The following CENPE variants were observed in gnomAD, a reference collection of about 807,000 sequenced individuals.
CENPE encodes the protein centromere-associated protein E.
Under a neutral mutation model 336.1 loss-of-function variants are expected in CENPE, and 145 were observed. The ratio of observed to expected loss-of-function variants is 0.43; its 90% CI spans 0.38 to 0.50. The LOEUF is 0.50. Among genes scored for constraint, CENPE ranks in the 20% least tolerant of loss-of-function variants. The pLI is 0.00. For missense variants in CENPE, 2,719 were observed against 3,023.3 expected (o/e 0.90, Z 2.36); for synonymous variants, 1,013 against 984.8 (o/e 1.03, Z -0.54).
At position 103,190,664 on chromosome 4, in the gene CENPE, A is replaced by T. The variant is rs560887746; in HGVS notation, c.693+3565T>A. 2.3e-4 allele frequency among the ~76,000 whole-genome samples: 35 copies of T among 152,348 alleles called. 1 individual carries two copies. The highest frequency in any genetic ancestry group is 3.4e-3 in the Middle Eastern group (1 of 294). ...AATTCAAGATGGATTAAAGACTTAA[A>T]TGTGAGACCTAAAACCATAAAAACC... On this transcript the variant is annotated intron_variant, in intron 8 of 48. Coordinates refer to ENST00000265148, the MANE Select transcript of CENPE (RefSeq NM_001813.3).
intron 46 of CENPE, among the ~76,000 whole-genome samples, chr4:103,114,176 T>A (rs1749865849): frequency 6.6e-6 from 1 of 152,192 alleles, no homozygotes; most frequent in Non-Finnish European, 1.5e-5. Flanking sequence ...GTCATTCCTT[T>A]ATTGCCTGAA....
intron 42 of CENPE, among the ~76,000 whole-genome samples, chr4:103,128,007 G>C (rs1751274013): frequency 6.6e-6 from 1 of 152,022 alleles, no homozygotes; most frequent in South Asian, 2.1e-4. Context: ...AATAAGAGCT[G>C]ACTGTATGTT....
At chr4:103,141,555 T>C (rs946086275) in intron 35 of CENPE, among the ~76,000 whole-genome samples, 195 bp downstream of exon 35, 4 of 152,176 alleles carry the variant, frequency 2.6e-5, no homozygotes, top group African/African-American at 7.2e-5. Context: ...TGTCTTTTTA[T>C]AGAAGTATGT....
At position 103,140,820 on chromosome 4, in the gene CENPE, T is replaced by A. The variant is rs1447156691; in HGVS notation, c.5748A>T (p.Lys1916Asn). Reference protein sequence around the residue: ...DQLKESLQETKARDLEIQQEL... With the variant: ...DQLKESLQETNARDLEIQQEL... Reference sequence around the variant, plus strand: ...AAGAGAGAACACAACTCACTCTAGCTTTGGTTTCTTGCAGGCTTTCCTTGA... The same window carrying A: ...AAGAGAGAACACAACTCACTCTAGCATTGGTTTCTTGCAGGCTTTCCTTGA... Residue 1916 changes from lysine (K) to asparagine (N), a missense_variant, in exon 36 of 49, where the codon AAA (lysine) becomes AAT (asparagine). By Grantham distance (94) the Lys-to-Asn change is moderately conservative. Around this residue, in one of 5 missense-constraint regions of CENPE, gnomAD observed 2,437 missense variants for 2,513.3 expected, o/e 0.97. Transcript: ENST00000265148. 6.3e-7 allele frequency: 1 copy of A among 1,583,336 alleles called. No homozygotes were observed. The highest frequency in any genetic ancestry group is 8.5e-7 in the Non-Finnish European group (1 of 1,170,196).
chr4:103,122,144 A>G (rs1750687680), intron 43 of CENPE, among the ~76,000 whole-genome samples: 1 of 151,768 alleles, frequency 6.6e-6, no homozygotes, highest in Non-Finnish European at 1.5e-5. Context: ...CAGCTGACTG[A>G]GGTCTGTAAT....
chr4:103,144,290 A>G (rs376974646), intron 33 of CENPE, 41 bp downstream of exon 33: 1 of 1,514,844 alleles, frequency 6.6e-7, no homozygotes, highest in Non-Finnish European at 8.9e-7. Context: ...CTTAGGACTC[A>G]ATGTCATAGT....
At position 103,140,947 on chromosome 4, in the gene CENPE, G is replaced by C. The variant is rs1169185843; in HGVS notation, c.5621C>G (p.Ala1874Gly). The C allele has an allele frequency of 6.2e-7, 1 of 1,612,454 alleles. No homozygotes were observed. Among genetic ancestry groups the C allele is most frequent in the Admixed American group, 1.7e-5 (1 of 59,960 alleles). The change falls in exon 36 of 49, where the codon GCT (alanine) becomes GGT (glycine). Residue 1874 changes from alanine (A) to glycine (G), a missense_variant. Ala to Gly is a moderately conservative substitution (Grantham distance 60, BLOSUM62 0). Transcript: ENST00000265148. ...TTCAAGGTTTTCATGAAGTTTCTGAGCCAAATTTAAATTCTCTATTTCTAA... is the reference window on the plus strand; with the variant it reads ...TTCAAGGTTTTCATGAAGTTTCTGACCCAAATTTAAATTCTCTATTTCTAA... ...SKLEIENLNL[A>G]QKLHENLEEM...
At chr4:103,158,973 C>T in intron 22 of CENPE, 37 bp downstream of exon 22, 1 of 1,533,010 alleles carries the variant, frequency 6.5e-7, no homozygotes. Flanking sequence ...CCCCAGAAGA[C>T]TAAGGAGCAT....
intron 46 of CENPE, among the ~76,000 whole-genome samples, chr4:103,111,524 T>C (rs1479409157): frequency 6.6e-6 from 1 of 152,210 alleles, no homozygotes; most frequent in African/African-American, 2.4e-5. Flanking sequence ...GAGACTGTGT[T>C]TTGTAAATTG....
At chr4:103,125,980 A>C (rs1474779425) in intron 42 of CENPE, among the ~76,000 whole-genome samples, 1 of 152,092 alleles carries the variant, frequency 6.6e-6, no homozygotes, top group Non-Finnish European at 1.5e-5. Flanking sequence ...GGGCAAAGGG[A>C]TGCTCCCCAA....
rs943895802 is a variant in CENPE at position 103,153,208 on chromosome 4, T to C, written c.3076A>G (p.Thr1026Ala). The part of the protein sequence containing the change: ...DKKQDLEAKN[T>A]QTLTADVKDN... The stretch of plus-strand genomic sequence containing the variant: ...TTAACATCTGCAGTTAGTGTTTGGG[T>C]ATTTTTAGCTTCCAAATCCTGTTTT... Residue 1026 changes from threonine (T) to alanine (A), a missense_variant, in exon 25 of 49, where the codon ACC (threonine) becomes GCC (alanine). Physicochemically the swap from Thr to Ala is moderately conservative, Grantham distance 58 (BLOSUM62 0). Coordinates refer to ENST00000265148, the MANE Select transcript of CENPE (RefSeq NM_001813.3). The C allele has an allele frequency of 2.5e-6, 4 of 1,612,706 alleles. No individual in the cohort carries two copies. The highest frequency in any genetic ancestry group is 2.7e-5 in the African/African-American group (2 of 74,884).
intron 12 of CENPE, 32 bp from the exon 13 acceptor site, chr4:103,180,501 A>G: frequency 1.3e-6 from 2 of 1,494,564 alleles, no homozygotes; most frequent in Non-Finnish European, 1.8e-6. Flanking sequence ...TATGTTAATA[A>G]TAAATGTGGC....
intron 24 of CENPE, among the ~76,000 whole-genome samples, chr4:103,157,930 G>A (rs1460406415): frequency 1.3e-5 from 2 of 151,874 alleles, no homozygotes; most frequent in African/African-American, 2.4e-5. Context: ...TCTTAGAGGT[G>A]TTGTGGGAAA....
chr4:103,191,733 A>G (rs77059819), intron 8 of CENPE, among the ~76,000 whole-genome samples: 6,758 of 152,130 alleles, frequency 0.044, 497 homozygotes, highest in African/African-American at 0.15. Context: ...AACATGGCAC[A>G]TGTATACATA....
At chr4:103,155,406 G>A (rs896955454) in intron 24 of CENPE, among the ~76,000 whole-genome samples, 1 of 152,174 alleles carries the variant, frequency 6.6e-6, no homozygotes, top group African/African-American at 2.4e-5. Context: ...ACCTTCCTGG[G>A]CTCAGGTGAT....
Position 103,135,907 on chromosome 4 carries a change from T to A in CENPE, c.6522+234A>T, listed in dbSNP as rs114426781. 4.6e-3 allele frequency among the ~76,000 whole-genome samples: 708 copies of A among 152,348 alleles called. 9 individuals carry two copies. Among genetic ancestry groups the A allele is most frequent in the African/African-American group, 0.017 (693 of 41,588 alleles). On this transcript the variant is annotated intron_variant, in intron 40 of 48. Coordinates refer to ENST00000265148, the MANE Select transcript of CENPE (RefSeq NM_001813.3). ...CTGTCTCACCCCAGACTATGAGATC[T>A]TTGAGATGTTAACTCACATCTGCCT...
At position 103,155,501 on chromosome 4, in the gene CENPE, C is replaced by T. The variant is rs191965236; in HGVS notation, c.3034-2251G>A. Among the ~76,000 whole-genome samples, 159 of 151,996 alleles carry T rather than the reference C, an allele frequency of 1.0e-3. 1 individual carries two copies. The highest frequency in any genetic ancestry group is 1.8e-3 in the Non-Finnish European group (119 of 67,944). On this transcript the variant is annotated intron_variant, in intron 24 of 48. Coordinates refer to ENST00000265148, the MANE Select transcript of CENPE (RefSeq NM_001813.3). ...TAATTTTTGTATTTTTTTGTAGAGACGGGGTTTCACCATGTTGCCCAGGCC... is the reference window on the plus strand; with the variant it reads ...TAATTTTTGTATTTTTTTGTAGAGATGGGGTTTCACCATGTTGCCCAGGCC...
intron 16 of CENPE, among the ~76,000 whole-genome samples, chr4:103,171,175 G>T (rs1755375109): frequency 6.6e-6 from 1 of 152,050 alleles, no homozygotes; most frequent in South Asian, 2.1e-4. Flanking sequence ...AGACCAAAGA[G>T]ACCTAACAGA....
intron 42 of CENPE, among the ~76,000 whole-genome samples, chr4:103,126,979 G>A (rs1751164328): frequency 6.6e-6 from 1 of 150,856 alleles, no homozygotes; most frequent in Non-Finnish European, 1.5e-5. Context: ...ACCAGAAGGT[G>A]AACAGAAAAA....
Sources: allele counts gnomAD v4.1 joint callset (sites outside exome capture counted in the v4.1 genomes callset), GRCh38; gene constraint gnomAD v4.1.1; regional missense constraint gnomAD v4.1.1; transcripts MANE v1.5; gene names NCBI Gene and HGNC (gene_info 2026-07-23, HGNC 2026-07-21).